The following TENM3 variants were observed in gnomAD, a reference collection of about 807,000 sequenced individuals.
The protein encoded by TENM3 is teneurin-3.
TENM3 carries 63 observed loss-of-function variants against 255.1 expected under a neutral mutation model. The observed-to-expected ratio is 0.25, with a 90% CI of 0.20 to 0.30. The LOEUF is 0.30. TENM3 is among the 10% of genes least tolerant of loss of function. The pLI is 1.00. For missense variants in TENM3, 2,929 were observed against 3,461.1 expected (o/e 0.85, Z 3.86); for synonymous variants, 1,306 against 1,322.3 (o/e 0.99, Z 0.27).
the TENM3 span, among the ~76,000 whole-genome samples, chr4:181,981,845 C>G: frequency 6.6e-6 from 1 of 152,144 alleles, no homozygotes; most frequent in African/African-American, 2.4e-5. Flanking sequence ...AGGCTTCTGA[C>G]AAGACAATCT....
intron 1 of TENM3, among the ~76,000 whole-genome samples, chr4:182,253,926 C>T (rs1758203764): frequency 2.6e-5 from 4 of 152,022 alleles, no homozygotes; most frequent in South Asian, 4.2e-4. Flanking sequence ...ATCAAAATAA[C>T]GATACACTTG....
chr4:181,703,044 A>C, the TENM3 span, among the ~76,000 whole-genome samples: 1 of 152,206 alleles, frequency 6.6e-6, no homozygotes, highest in Non-Finnish European at 1.5e-5. Context: ...ATTTTATGGA[A>C]GAGGAAGTAC....
chr4:182,039,063 C>T, the TENM3 span, among the ~76,000 whole-genome samples: 9 of 152,028 alleles, frequency 5.9e-5, no homozygotes, highest in South Asian at 6.2e-4. Flanking sequence ...AGATGAAATT[C>T]GAATCCAACT....
At chr4:181,838,415 G>A in the TENM3 span, among the ~76,000 whole-genome samples, 1 of 152,098 alleles carries the variant, frequency 6.6e-6, no homozygotes, top group East Asian at 1.9e-4. Context: ...TCGAGTTTGG[G>A]CATCTGGAAT....
intron 2 of TENM3, among the ~76,000 whole-genome samples, chr4:182,331,454 A>T (rs1050294955): frequency 2.0e-5 from 3 of 152,118 alleles, no homozygotes; most frequent in African/African-American, 7.2e-5. Context: ...GCTAAGGCAC[A>T]AGAAGCGCTT....
chr4:181,533,365 A>G, the TENM3 span, among the ~76,000 whole-genome samples: 1 of 152,194 alleles, frequency 6.6e-6, no homozygotes, highest in Non-Finnish European at 1.5e-5. Flanking sequence ...TCATTCATGC[A>G]CAAATGCTTC....
Position 182,737,858 on chromosome 4 carries a change from A to G in TENM3, c.3236-543A>G, listed in dbSNP as rs147741782. The stretch of plus-strand genomic sequence containing the variant: ...TTTTAAATTCCCTGTTTCATTGTGA[A>G]CTCTGGAAAGCTTTTCATCTGTGGT... On this transcript the variant is annotated intron_variant, in intron 17 of 27. Coordinates refer to ENST00000511685, the MANE Select transcript of TENM3 (RefSeq NM_001080477.4). Among the ~76,000 whole-genome samples, 518 of 151,908 alleles carry G rather than the reference A, an allele frequency of 3.4e-3. 4 individuals are homozygous for G. Among genetic ancestry groups the G allele is most frequent in the African/African-American group, 0.012 (489 of 41,418 alleles).
chr4:182,317,459 C>T (rs753419646), intron 1 of TENM3, among the ~76,000 whole-genome samples: 16 of 148,422 alleles, frequency 1.1e-4, no homozygotes, highest in Middle Eastern at 7.0e-3. Flanking sequence ...GCCACTGTGC[C>T]TGTTTTTTTT....
the TENM3 span, among the ~76,000 whole-genome samples, chr4:181,743,257 T>G: frequency 6.6e-6 from 1 of 152,204 alleles, no homozygotes; most frequent in East Asian, 1.9e-4. Context: ...CCACACTGAC[T>G]TCCACAATGG....
At chr4:182,509,407 T>A (rs577075857) in intron 3 of TENM3, among the ~76,000 whole-genome samples, 1 of 152,308 alleles carries the variant, frequency 6.6e-6, no homozygotes, top group Non-Finnish European at 1.5e-5. Flanking sequence ...TTCAGTGATA[T>A]TTTTTCATTC....
chr4:181,856,196 G>A, the TENM3 span, among the ~76,000 whole-genome samples: 2 of 150,590 alleles, frequency 1.3e-5, no homozygotes, highest in African/African-American at 4.9e-5. Flanking sequence ...GGAGGGAGGG[G>A]CACATGGTCC....
chr4:182,530,529 C>T (rs561854198), intron 3 of TENM3, among the ~76,000 whole-genome samples: 23 of 152,220 alleles, frequency 1.5e-4, no homozygotes, highest in Non-Finnish European at 2.6e-4. Flanking sequence ...AGCGACATTT[C>T]GAGCCCACAG....
the TENM3 span, among the ~76,000 whole-genome samples, chr4:182,131,482 A>T: frequency 6.6e-6 from 1 of 152,138 alleles, no homozygotes; most frequent in Non-Finnish European, 1.5e-5. Context: ...TTCATTTTAG[A>T]TTTGATATTA....
intron 1 of TENM3, among the ~76,000 whole-genome samples, chr4:182,264,404 G>A (rs746831393): frequency 6.6e-6 from 1 of 152,180 alleles, no homozygotes; most frequent in Non-Finnish European, 1.5e-5. Flanking sequence ...ACCACGTGGC[G>A]GTACTTTCTC....
chr4:182,629,586 C>T (rs1751156525), intron 5 of TENM3, among the ~76,000 whole-genome samples: 1 of 151,946 alleles, frequency 6.6e-6, no homozygotes, highest in Non-Finnish European at 1.5e-5. Flanking sequence ...CAGAAATGAC[C>T]ACATTGTGTT....
At position 182,793,683 on chromosome 4, in the gene TENM3, A is replaced by G. The variant is rs1766279980; in HGVS notation, c.7011A>G (p.Gly2337=). The G allele has an allele frequency of 1.9e-6, 3 of 1,613,884 alleles. No individual in the cohort carries two copies. Among genetic ancestry groups the G allele is most frequent in the Non-Finnish European group, 2.5e-6 (3 of 1,179,858 alleles). The part of the protein sequence containing the change: ...DSNIDFQLVI[G]FHGGLYDPLT... ...ATATTGACTTTCAACTGGTAATTGGATTTCATGGTGGCCTGTATGACCCAC... is the reference window on the plus strand; with the variant it reads ...ATATTGACTTTCAACTGGTAATTGGGTTTCATGGTGGCCTGTATGACCCAC... The change falls in exon 26 of 28, where the codon GGA becomes GGG. Residue 2337 remains glycine (G), a synonymous_variant. Transcript: ENST00000511685. This position sits in a 1 kb window ranked among gnomAD's most constrained non-coding sequence, Gnocchi z 5.7.
chr4:181,861,614 T>C, the TENM3 span, among the ~76,000 whole-genome samples: 1 of 152,120 alleles, frequency 6.6e-6, no homozygotes, highest in Non-Finnish European at 1.5e-5. Flanking sequence ...TCCCTAATAC[T>C]TCTAAGTCCA....
At chr4:182,600,384 G>T (rs1340268234) in intron 3 of TENM3, among the ~76,000 whole-genome samples, 2 of 152,210 alleles carry the variant, frequency 1.3e-5, no homozygotes, top group Non-Finnish European at 2.9e-5. Flanking sequence ...TCATAGTGCA[G>T]ATCTGCCTTA....
the TENM3 span, among the ~76,000 whole-genome samples, chr4:182,090,457 T>A: frequency 6.6e-6 from 1 of 152,152 alleles, no homozygotes. Flanking sequence ...TGGCTATGCT[T>A]TTCATCAACA....
Sources: gnomAD v4.1 joint callset for allele counts (sites outside exome capture counted in the v4.1 genomes callset) on GRCh38, gnomAD v4.1.1 for gene constraint, Gnocchi (gnomAD v3.1) non-coding constraint, MANE v1.5 for transcripts, NCBI Gene and HGNC (gene_info 2026-07-23, HGNC 2026-07-21) for gene names.